The following GHR variants were observed in gnomAD, a reference collection of about 807,000 sequenced individuals.
GHR encodes the protein GH receptor.
A neutral mutation model predicts 67.1 loss-of-function variants in GHR; 35 were observed. That is an observed-to-expected ratio of 0.52 (90% CI 0.40 to 0.69). The LOEUF (loss-of-function observed/expected upper bound fraction) is 0.69. GHR is among the 30% of genes least tolerant of loss of function. GHR has a pLI of 0.00. For missense variants in GHR, 792 were observed against 764.6 expected (o/e 1.04, Z -0.42); for synonymous variants, 272 against 269.1 (o/e 1.01, Z -0.10).
In GHR at chr5:42,701,111, C is replaced by A. The variant is rs113727324; in HGVS notation, c.618+1109C>A. ...CAGACCCTTGAGGGTCCCTGAGACC[C>A]TTTCAGGGAGTTCAGTACTATTTTC... On this transcript the variant is annotated intron_variant, in intron 6 of 9. Coordinates refer to ENST00000230882, the MANE Select transcript of GHR (RefSeq NM_000163.5). 6.7e-3 allele frequency among the ~76,000 whole-genome samples: 1,027 copies of A among 152,262 alleles called. 15 individuals carry two copies. Among genetic ancestry groups the A allele is most frequent in the African/African-American group, 0.024 (995 of 41,532 alleles).
At chr5:42,586,100 CTAT>C (rs1487781916) in intron 2 of GHR, among the ~76,000 whole-genome samples, 1 of 152,096 alleles carries the variant, frequency 6.6e-6, no homozygotes, top group East Asian at 1.9e-4. Flanking sequence ...TATATGTAAG[CTAT>C]TATTGTTATA....
intron 8 of GHR, chr5:42,713,916 AT>A (rs113541266): frequency 3.6e-3 from 579 of 159,846 alleles, no homozygotes; most frequent in Middle Eastern, 0.013. Flanking sequence ...TATACAGACA[AT>A]TTTTTTTTTT....
chr5:42,719,601 G>A lies in GHR; in HGVS notation c.*177G>A. The A allele has an allele frequency of 1.5e-6, 1 of 660,734 alleles. No homozygotes were observed. The highest frequency in any genetic ancestry group is 2.7e-6 in the Non-Finnish European group (1 of 366,148). The allele number at this position is 660,734 out of a possible 1,614,324, so 40.9% of individuals were successfully genotyped here. A position where few individuals can be genotyped will look rare whatever the true frequency, so the allele number is the denominator to read the frequency against. ...ATGATGTTAAAAAAATAAGAAGAATGCTTAATCAGATAGATATTCCTATTG... is the reference window on the plus strand; with the variant it reads ...ATGATGTTAAAAAAATAAGAAGAATACTTAATCAGATAGATATTCCTATTG... On this transcript the variant is annotated 3_prime_UTR_variant, in exon 10 of 10. Coordinates refer to ENST00000230882, the MANE Select transcript of GHR (RefSeq NM_000163.5).
chr5:42,534,263 T>C (rs981549466), intron 1 of GHR, among the ~76,000 whole-genome samples: 1 of 140,368 alleles, frequency 7.1e-6, no homozygotes, highest in African/African-American at 2.8e-5. Context: ...TGTACATGTG[T>C]ATATGTGTAT....
chr5:42,465,731 CT>C, intron 1 of GHR: 1 of 918,774 alleles, frequency 1.1e-6, no homozygotes, highest in African/African-American at 1.6e-5. Context: ...TCCACTATAC[CT>C]ATCAAATTCA....
chr5:42,529,404 G>T (rs992446465), intron 1 of GHR, among the ~76,000 whole-genome samples: 86 of 152,226 alleles, frequency 5.6e-4, no homozygotes, highest in African/African-American at 2.0e-3. Context: ...GAACTGAACT[G>T]CAGTATCTTC....
At chr5:42,713,218 T>C (rs911138810) in intron 7 of GHR, among the ~76,000 whole-genome samples, 1 of 152,150 alleles carries the variant, frequency 6.6e-6, no homozygotes, top group Non-Finnish European at 1.5e-5. Flanking sequence ...AGTTTTTTTT[T>C]AATGTGAGGA....
rs567463601 is a variant in GHR, at chr5:42,718,346, C to T, written c.946-107C>T. 504 of 870,158 alleles carry T rather than the reference C, an allele frequency of 5.8e-4. 1 individual carries two copies. The African/African-American group carries it at 7.5e-3, about 13-fold the overall frequency. 53.9% of individuals were successfully genotyped at this position (870,158 alleles called of 1,614,324 possible). On this transcript the variant is annotated intron_variant, in intron 9 of 9. Transcript: ENST00000230882. ...TTATGTTTTTTTATATGTTTTGTTA[C>T]TGTTGTTCTTATTGTAACCATAATT...
At chr5:42,470,387 C>T (rs1165234927) in intron 1 of GHR, among the ~76,000 whole-genome samples, 1 of 151,834 alleles carries the variant, frequency 6.6e-6, no homozygotes, top group Admixed American at 6.6e-5. Flanking sequence ...TCTTCCTTCC[C>T]TTCATCTAAT....
chr5:42,712,194 A>G (rs751951326), intron 7 of GHR, among the ~76,000 whole-genome samples: 2 of 152,114 alleles, frequency 1.3e-5, no homozygotes, highest in African/African-American at 2.4e-5. Flanking sequence ...ATATTTCTGT[A>G]TTTACTATAC....
intron 2 of GHR, among the ~76,000 whole-genome samples, chr5:42,579,848 A>C (rs575471457): frequency 5.3e-5 from 8 of 152,188 alleles, no homozygotes; most frequent in African/African-American, 1.9e-4. Flanking sequence ...GGTTACATTA[A>C]CGTGGAACAT....
At chr5:42,664,148 T>G (rs1285748279) in intron 3 of GHR, among the ~76,000 whole-genome samples, 2 of 152,036 alleles carry the variant, frequency 1.3e-5, no homozygotes, top group Non-Finnish European at 2.9e-5. Flanking sequence ...GAATCAATAT[T>G]GTGAAAATGG....
chr5:42,710,785 T>C (rs1310049710), intron 6 of GHR, among the ~76,000 whole-genome samples: 10 of 152,198 alleles, frequency 6.6e-5, no homozygotes, highest in Admixed American at 3.3e-4. Context: ...TACAACTTGC[T>C]ATGGCTACAA....
chr5:42,471,947 G>A (rs959775487), intron 1 of GHR, among the ~76,000 whole-genome samples: 1 of 152,182 alleles, frequency 6.6e-6, no homozygotes, highest in Non-Finnish European at 1.5e-5. Flanking sequence ...GAGAGAGTGG[G>A]AACTCGTCAT....
At chr5:42,641,056 G>C (rs1284574914) in intron 3 of GHR, among the ~76,000 whole-genome samples, 1 of 152,092 alleles carries the variant, frequency 6.6e-6, no homozygotes, top group Non-Finnish European at 1.5e-5. Context: ...TTTACTCAGG[G>C]CTGCCCTTAG....
chr5:42,662,883 A>T (rs529011590), intron 3 of GHR, among the ~76,000 whole-genome samples: 1 of 152,330 alleles, frequency 6.6e-6, no homozygotes, highest in South Asian at 2.1e-4. Flanking sequence ...AAGAAAAGAG[A>T]GTAGAAAAAT....
At chr5:42,473,850 C>T (rs567809271) in intron 1 of GHR, among the ~76,000 whole-genome samples, 1 of 148,524 alleles carries the variant, frequency 6.7e-6, no homozygotes, top group Non-Finnish European at 1.5e-5. Context: ...GCACTCCAGC[C>T]TGGTGACAGC....
In GHR at chr5:42,719,434, G is replaced by A; in HGVS notation, c.*10G>A. 3.1e-6 allele frequency: 5 copies of A among 1,610,196 alleles called. No individual in the cohort carries two copies. Among genetic ancestry groups the A allele is most frequent in the Non-Finnish European group, 4.2e-6 (5 of 1,179,444 alleles). The stretch of plus-strand genomic sequence containing the variant: ...CAAAATCATGCCTTAGCCTTTCTTT[G>A]GTTTCCCAAGAGCTACGTATTTAAT... On this transcript the variant is annotated 3_prime_UTR_variant, in exon 10 of 10. Coordinates refer to ENST00000230882, the MANE Select transcript of GHR (RefSeq NM_000163.5).
rs572129889 is a variant in GHR at position 42,493,333 on chromosome 5, T to C, written c.-12+69378T>C. Among the ~76,000 whole-genome samples, 9 of 152,322 alleles carry C rather than the reference T, an allele frequency of 5.9e-5. No individual in the cohort carries two copies. The East Asian group carries it at 1.7e-3, about 29-fold the overall frequency. On this transcript the variant is annotated intron_variant, in intron 1 of 9. Coordinates refer to ENST00000230882, the MANE Select transcript of GHR (RefSeq NM_000163.5). ...AATAACTGCTCTTTGAAAAGTAGAT[T>C]TTTTAAAGTTTGATTATCAAGTATT...
Sources: gnomAD v4.1 joint callset for allele counts (sites outside exome capture counted in the v4.1 genomes callset) on GRCh38, gnomAD v4.1.1 for gene constraint, MANE v1.5 for transcripts, NCBI Gene and HGNC (gene_info 2026-07-23, HGNC 2026-07-21) for gene names.